Variants in KAZN observed in about 807,000 individuals in gnomAD.
KAZN encodes the protein kazrin.
Under a neutral mutation model 87.4 loss-of-function variants are expected in KAZN, and 40 were observed. The ratio of observed to expected loss-of-function variants is 0.46; its 90% CI spans 0.36 to 0.60. The LOEUF (loss-of-function observed/expected upper bound fraction) is 0.60. KAZN is among the 20% of genes least tolerant of loss of function. The pLI, the probability that KAZN is intolerant of heterozygous loss-of-function variation, is 0.00. For missense variants in KAZN, 898 were observed against 1,073.9 expected (o/e 0.84, Z 2.29); for synonymous variants, 466 against 458.3 (o/e 1.02, Z -0.22).
intron 2 of KAZN, among the ~76,000 whole-genome samples, chr1:14,421,291 A>C (rs1665411698): frequency 6.6e-6 from 1 of 152,080 alleles, no homozygotes; most frequent in Admixed American, 6.5e-5. Flanking sequence ...CATTCCTAGC[A>C]CCCCATTCAG....
At chr1:13,931,447 GGT>G (rs61432989) in intron 1 of KAZN, among the ~76,000 whole-genome samples, 17 of 149,788 alleles carry the variant, frequency 1.1e-4, no homozygotes, top group African/African-American at 1.7e-4. Context: ...CAGCCAGAGG[GGT>G]GTGTGTGTGT....
At chr1:14,954,538 C>T (rs11586119) in intron 1 of KAZN, among the ~76,000 whole-genome samples, 7,472 of 152,316 alleles carry the variant, frequency 0.049, 607 homozygotes, top group African/African-American at 0.17. Context: ...AACAGGAGAG[C>T]TTCGTGCAGT....
chr1:14,843,727 T>C (rs1412023923), intron 1 of KAZN, among the ~76,000 whole-genome samples: 1 of 152,248 alleles, frequency 6.6e-6, no homozygotes, highest in Non-Finnish European at 1.5e-5. Context: ...CCCACTACCC[T>C]GACAGCTGTT....
intron 1 of KAZN, among the ~76,000 whole-genome samples, chr1:14,024,871 G>A (rs973857): frequency 1.3e-5 from 2 of 151,988 alleles, no homozygotes; most frequent in African/African-American, 2.4e-5. Flanking sequence ...AATTGCTGGC[G>A]TGGCATTTCT....
intron 2 of KAZN, among the ~76,000 whole-genome samples, chr1:14,375,901 A>C (rs11587137): frequency 9.0e-6 from 1 of 110,658 alleles, no homozygotes; most frequent in Non-Finnish European, 2.0e-5. Flanking sequence ...AACAAAAAAA[A>C]AAAAAAGAAA....
intron 1 of KAZN, among the ~76,000 whole-genome samples, chr1:14,732,196 G>T (rs938222358): frequency 6.6e-6 from 1 of 152,164 alleles, no homozygotes; most frequent in African/African-American, 2.4e-5. Flanking sequence ...GGTATTGGCC[G>T]TTGCTATGAT....
At chr1:14,062,939 T>C (rs79226318) in intron 1 of KAZN, among the ~76,000 whole-genome samples, 8,109 of 152,238 alleles carry the variant, frequency 0.053, 593 homozygotes, top group African/African-American at 0.16. Flanking sequence ...TCTGTCTCCA[T>C]GAATAGATGA....
intron 1 of KAZN, among the ~76,000 whole-genome samples, chr1:14,151,912 A>G (rs1645482667): frequency 1.3e-5 from 2 of 152,210 alleles, no homozygotes; most frequent in African/African-American, 4.8e-5. Flanking sequence ...GTGGAAAGGA[A>G]AAAAAATGGA....
At chr1:14,460,520 C>G (rs760367122) in intron 2 of KAZN, among the ~76,000 whole-genome samples, 18 of 152,218 alleles carry the variant, frequency 1.2e-4, no homozygotes, top group Non-Finnish European at 4.4e-5. Context: ...AGACCCCAAA[C>G]AAGTTTCCCC....
chr1:14,504,809 G>A (rs963748809), intron 2 of KAZN, among the ~76,000 whole-genome samples: 16 of 152,158 alleles, frequency 1.1e-4, no homozygotes, highest in Admixed American at 1.0e-3. Context: ...TCCCTTAATG[G>A]CCAAACTCAT....
chr1:14,238,806 C>A (rs780714148), intron 2 of KAZN, among the ~76,000 whole-genome samples: 1 of 152,224 alleles, frequency 6.6e-6, no homozygotes, highest in Non-Finnish European at 1.5e-5. Flanking sequence ...ACAGCACTGA[C>A]GTGTGTTTGC....
chr1:14,059,333 G>A (rs1319313426), intron 1 of KAZN, among the ~76,000 whole-genome samples: 1 of 152,218 alleles, frequency 6.6e-6, no homozygotes, highest in Admixed American at 6.5e-5. Flanking sequence ...CTGAAGGCCT[G>A]AGAGCCCCTG....
At chr1:14,621,750 CT>C (rs1346073535) in intron 1 of KAZN, among the ~76,000 whole-genome samples, 2 of 152,212 alleles carry the variant, frequency 1.3e-5, no homozygotes, top group African/African-American at 4.8e-5. Flanking sequence ...TGCACAAACT[CT>C]GTTGTTTGCC....
At position 15,094,778 on chromosome 1, in the gene KAZN, G is replaced by T; in HGVS notation, c.1429-37G>T. 2 of 1,498,050 alleles carry T rather than the reference G, an allele frequency of 1.3e-6. No individual in the cohort carries two copies. The highest frequency in any genetic ancestry group is 1.4e-5 in the African/African-American group (1 of 72,088). The allele number at this position is 1,498,050 out of a possible 1,614,324, so 92.8% of individuals were successfully genotyped here. On this transcript the variant is annotated intron_variant, in intron 9 of 14. Transcript: ENST00000376030. This position sits in a 1 kb window ranked among gnomAD's most constrained non-coding sequence, Gnocchi z 4.5. Reference sequence around the variant, plus strand: ...TAGGGCAGGAACCCCGCCGGCAGCTGTCCCAGCCCCCATATGACACTCCCT... The same window carrying T: ...TAGGGCAGGAACCCCGCCGGCAGCTTTCCCAGCCCCCATATGACACTCCCT...
chr1:14,948,890 C>T (rs1325972894), intron 1 of KAZN, among the ~76,000 whole-genome samples: 4 of 152,120 alleles, frequency 2.6e-5, no homozygotes, highest in Admixed American at 6.5e-5. Flanking sequence ...GTCATGGTGG[C>T]TCATGCCTGT....
intron 1 of KAZN, among the ~76,000 whole-genome samples, chr1:14,020,088 C>T (rs1570542833): frequency 1.3e-5 from 2 of 151,862 alleles, no homozygotes; most frequent in African/African-American, 4.8e-5. Flanking sequence ...TCATCAGGAG[C>T]ATGCAGCATA....
chr1:14,457,630 T>C (rs1476810032), intron 2 of KAZN, among the ~76,000 whole-genome samples: 1 of 152,162 alleles, frequency 6.6e-6, no homozygotes, highest in Non-Finnish European at 1.5e-5. Context: ...ATCAAGTTCT[T>C]GGAAAAAAAT....
chr1:14,662,163 C>T (rs1158212728), intron 1 of KAZN, among the ~76,000 whole-genome samples: 1 of 152,068 alleles, frequency 6.6e-6, no homozygotes, highest in African/African-American at 2.4e-5. Context: ...ACTCCATCAG[C>T]TTCATTATTT....
In KAZN at chr1:14,997,204, CATTTATTTATTT is replaced by C. The variant is rs35436643; in HGVS notation, c.418+36370_418+36381del. Among the ~76,000 whole-genome samples the C allele has an allele frequency of 7.3e-3, 877 of 120,848 alleles. 4 individuals are homozygous for C. Among genetic ancestry groups the C allele is most frequent in the African/African-American group, 0.021 (681 of 32,314 alleles). The allele number at this position is 120,848 out of a possible 152,430, so 79.3% of individuals were successfully genotyped here. On this transcript the variant is annotated intron_variant, in intron 2 of 14. Coordinates refer to ENST00000376030, the MANE Select transcript of KAZN (RefSeq NM_201628.3). ...TCTGTTTTCTTTTCTTTCTTTCTTT[CATTTATTTATTT>C]ATTTATTTATTTATTTATTTATTTA...
Sources: allele counts gnomAD v4.1 joint callset (sites outside exome capture counted in the v4.1 genomes callset), GRCh38; gene constraint gnomAD v4.1.1; non-coding constraint Gnocchi (gnomAD v3.1); transcripts MANE v1.5; gene names NCBI Gene and HGNC (gene_info 2026-07-23, HGNC 2026-07-21).